EPB41L1: variants seen among roughly 807,000 people sequenced by gnomAD.
EPB41L1 encodes the protein erythrocyte membrane protein band 4.1 like 1.
Under a neutral mutation model 97.8 loss-of-function variants are expected in EPB41L1, and 29 were observed. The ratio of observed to expected loss-of-function variants is 0.30; its 90% CI spans 0.22 to 0.40. The LOEUF is 0.40. Among genes scored for constraint, EPB41L1 ranks in the 10% least tolerant of loss-of-function variants. The pLI is 1.00. For missense variants in EPB41L1, 812 were observed against 1,162.3 expected, an observed-to-expected ratio of 0.70 and a Z score of 4.38; for synonymous variants, 383 against 459.2, an observed-to-expected ratio of 0.83 and a Z score of 2.12.
intron 2 of EPB41L1, among the ~76,000 whole-genome samples, chr20:36,119,092 C>G (rs1450037051): frequency 6.6e-6 from 1 of 152,268 alleles, no homozygotes; most frequent in African/African-American, 2.4e-5. Flanking sequence ...CAAGACCTCT[C>G]TCATTCCCCA....
Position 36,189,682 on chromosome 20 carries a change from C to T in EPB41L1, c.1027-595C>T, listed in dbSNP as rs561476292. 1.6e-4 allele frequency among the ~76,000 whole-genome samples: 24 copies of T among 152,326 alleles called. No individual in the cohort carries two copies. The East Asian group carries it at 4.2e-3, about 27-fold the overall frequency. ...CCCCTATGCCTTCCCAGTTCTGCTG[C>T]ACCACACATCTCCCTTCATTCCCCT... On this transcript the variant is annotated intron_variant, in intron 9 of 21. Coordinates refer to ENST00000338074, the MANE Select transcript of EPB41L1 (RefSeq NM_012156.2).
Position 36,207,282 on chromosome 20 carries a change from G to T in EPB41L1, c.1669-2206G>T, listed in dbSNP as rs1463424068. The T allele has an allele frequency of 7.8e-7, 1 of 1,281,626 alleles. No homozygotes were observed. Among genetic ancestry groups the T allele is most frequent in the Non-Finnish European group, 1.0e-6 (1 of 984,072 alleles). The allele number at this position is 1,281,626 out of a possible 1,614,324, so 79.4% of individuals were successfully genotyped here. ...CCCCTGCCACAGGAGGTGAGCGCAG[G>T]CCTCCTCCCATCACCAGCAGAAAGC... On this transcript the variant is annotated intron_variant, in intron 14 of 21. Transcript: ENST00000338074. The surrounding 1 kb of genome is among the most constrained non-coding windows in gnomAD (Gnocchi z 4.9).
At chr20:36,129,934 GTT>G (rs35257790) in intron 2 of EPB41L1, among the ~76,000 whole-genome samples, 1 of 130,520 alleles carries the variant, frequency 7.7e-6, no homozygotes. Flanking sequence ...CGGCAGGTTT[GTT>G]TTTTTTTTTT....
chr20:36,181,120 C>T (rs999007823), intron 5 of EPB41L1, among the ~76,000 whole-genome samples: 3 of 152,172 alleles, frequency 2.0e-5, no homozygotes, highest in African/African-American at 7.2e-5. Flanking sequence ...ATGGTGGTTA[C>T]CGCAGAGACA....
At chr20:36,129,949 T>G (rs1332083000) in intron 2 of EPB41L1, among the ~76,000 whole-genome samples, 7 of 148,918 alleles carry the variant, frequency 4.7e-5, no homozygotes, top group Non-Finnish European at 8.9e-5. Context: ...TTTTTTTTGT[T>G]TTTTTTTTTT....
In EPB41L1 at chr20:36,188,333, C is replaced by A; in HGVS notation, c.874-14C>A. 1 of 1,612,922 alleles carries A rather than the reference C, an allele frequency of 6.2e-7. No homozygotes were observed. The highest frequency in any genetic ancestry group is 1.1e-5 in the South Asian group (1 of 91,000). ...GACCCCGGGCCTCCCATTCCATGGT[C>A]TCTTCTCATGCAGGACTCTGAGGGC... On this transcript the variant is annotated splice_polypyrimidine_tract_variant and intron_variant, in intron 8 of 21. Transcript: ENST00000338074.
intron 2 of EPB41L1, among the ~76,000 whole-genome samples, chr20:36,135,130 T>G (rs889744648): frequency 3.3e-5 from 5 of 152,198 alleles, no homozygotes; most frequent in Non-Finnish European, 5.9e-5. Context: ...CCCAAAGTGC[T>G]GGGATTACAG....
Position 36,209,818 on chromosome 20 carries a change from A to T in EPB41L1, c.1999A>T (p.Ser667Cys). 6.2e-7 allele frequency: 1 copy of T among 1,613,810 alleles called. No homozygotes were observed. The highest frequency in any genetic ancestry group is 8.5e-7 in the Non-Finnish European group (1 of 1,179,914). Residue 667 changes from serine to cysteine, a missense_variant, in exon 15 of 22, where the codon AGC becomes TGC. Physicochemically the swap from Ser to Cys is moderately radical, Grantham distance 112 (BLOSUM62 -1). This residue lies in a region of EPB41L1 where 498 missense variants were observed against 622.7 expected (regional missense o/e 0.80). Transcript: ENST00000338074. The surrounding 1 kb of genome is among the most constrained non-coding windows in gnomAD (Gnocchi z 4.2). ...CCGGGATCTCAACAAGGGGGCCCCC[A>T]GCCAGGATGATGAGTCTGGGGGCAT... The part of the protein sequence containing the change: ...FSRDLNKGAP[S>C]QDDESGGIED...
chr20:36,225,846 C>A (rs2064116691), intron 21 of EPB41L1, among the ~76,000 whole-genome samples: 1 of 152,154 alleles, frequency 6.6e-6, no homozygotes, highest in Admixed American at 6.5e-5. Flanking sequence ...CCCACCCCGC[C>A]GCGATGCAGT....
intron 17 of EPB41L1, among the ~76,000 whole-genome samples, chr20:36,217,493 G>GT (rs2063515666): frequency 6.6e-6 from 1 of 152,162 alleles, no homozygotes; most frequent in Non-Finnish European, 1.5e-5. Flanking sequence ...AGGGTGCCTC[G>GT]TTTTGAATGA....
rs771007077 is a variant in EPB41L1 at position 36,221,871 on chromosome 20, A to G, written c.2447A>G (p.Lys816Arg). Residue 816 changes from lysine to arginine, a missense_variant, in exon 20 of 22, where the codon AAA (lysine) becomes AGA (arginine). This residue lies in a region of EPB41L1 where 498 missense variants were observed against 622.7 expected (regional missense o/e 0.80). Coordinates refer to ENST00000338074, the MANE Select transcript of EPB41L1 (RefSeq NM_012156.2). ...STTTHVTKTV[K>R]GGFSETRIEK... ...CTCCCTCTCCCTCTGCAGACTGTGA[A>G]AGGAGGGTTTTCTGAGACAAGGATC... is the stretch of plus-strand genomic sequence containing the variant. 3.1e-6 allele frequency: 5 copies of G among 1,614,140 alleles called. No homozygotes were observed. The South Asian group carries it at 5.5e-5, about 18-fold the overall frequency.
chr20:36,148,394 CTA>C (rs1372889967), intron 2 of EPB41L1, among the ~76,000 whole-genome samples: 2 of 152,132 alleles, frequency 1.3e-5, no homozygotes, highest in Non-Finnish European at 2.9e-5. Flanking sequence ...AGAAGAATAA[CTA>C]TGGGAAATGG....
chr20:36,210,043 T>A, intron 15 of EPB41L1, 145 bp downstream of exon 15: 1 of 1,002,208 alleles, frequency 1.0e-6, no homozygotes, highest in Admixed American at 2.5e-5. Flanking sequence ...CAGAACAGCA[T>A]GGTTCTGTGC....
intron 1 of EPB41L1, among the ~76,000 whole-genome samples, chr20:36,106,937 G>A (rs537247714): frequency 7.2e-5 from 11 of 152,138 alleles, no homozygotes; most frequent in Non-Finnish European, 1.3e-4. Flanking sequence ...GGAATAGTTG[G>A]GATTACAGGC....
Position 36,195,261 on chromosome 20 carries a change from G to T in EPB41L1, c.1450-68G>T, listed in dbSNP as rs558936046. The T allele has an allele frequency of 2.5e-6, 4 of 1,596,298 alleles. No individual in the cohort carries two copies. The South Asian group carries it at 4.4e-5, about 18-fold the overall frequency. On this transcript the variant is annotated intron_variant, in intron 12 of 21. Coordinates refer to ENST00000338074, the MANE Select transcript of EPB41L1 (RefSeq NM_012156.2). The surrounding 1 kb of genome is among the most constrained non-coding windows in gnomAD (Gnocchi z 4.6). ...GGCTCCTTGCTGGACCAAGCCCATC[G>T]TGGTATCTCTAATCCATCTGCTCTA...
At chr20:36,119,470 T>C (rs2058681632) in intron 2 of EPB41L1, among the ~76,000 whole-genome samples, 1 of 152,122 alleles carries the variant, frequency 6.6e-6, no homozygotes, top group Non-Finnish European at 1.5e-5. Flanking sequence ...GGTATGGTGG[T>C]GCACGCCTGT....
chr20:36,179,814 G>A (rs936420099), intron 5 of EPB41L1, among the ~76,000 whole-genome samples: 1 of 152,218 alleles, frequency 6.6e-6, no homozygotes, highest in African/African-American at 2.4e-5. Flanking sequence ...TCTTCCTGAA[G>A]GTTCTGTCAG....
At chr20:36,100,574 C>A (rs530469057) in intron 1 of EPB41L1, among the ~76,000 whole-genome samples, 1 of 152,314 alleles carries the variant, frequency 6.6e-6, no homozygotes, top group South Asian at 2.1e-4. Context: ...CCAAGTGAGG[C>A]AGAGATGATG....
At chr20:36,188,641 C>CAGAGAGAGAG in intron 9 of EPB41L1, 142 bp downstream of exon 9, 1 of 270,434 alleles carries the variant, frequency 3.7e-6, no homozygotes, top group African/African-American at 4.8e-5. Context: ...CACACACACA[C>CAGAGAGAGAG]AGAGAGAGAG....
Sources: allele counts gnomAD v4.1 joint callset (sites outside exome capture counted in the v4.1 genomes callset), GRCh38; gene constraint gnomAD v4.1.1; regional missense constraint gnomAD v4.1.1; non-coding constraint Gnocchi (gnomAD v3.1); transcripts MANE v1.5; gene names NCBI Gene and HGNC (gene_info 2026-07-23, HGNC 2026-07-21).